NCOA6: variants seen among roughly 807,000 people sequenced by gnomAD.
NCOA6 encodes the protein NRC RAP250.
In NCOA6, 49 loss-of-function variants were observed where a neutral mutation model predicts 171.4. The observed-to-expected ratio is 0.29, with a 90% CI of 0.23 to 0.36. The LOEUF is 0.36. Among genes scored for constraint, NCOA6 ranks in the 10% least tolerant of loss-of-function variants. The pLI is 1.00. For synonymous variants in NCOA6, 910 were observed against 927.5 expected, an observed-to-expected ratio of 0.98 and a Z score of 0.34; for missense variants, 2,248 against 2,554.5, an observed-to-expected ratio of 0.88 and a Z score of 2.59.
At position 34,776,383 on chromosome 20, in the gene NCOA6, G is replaced by T; in HGVS notation, c.301C>A (p.Pro101Thr). Residue 101 changes from proline to threonine, a missense_variant, in exon 4 of 15, where the codon CCC becomes ACC. Around this residue, in one of 7 missense-constraint regions of NCOA6, gnomAD observed 987 missense variants for 1,104.7 expected, o/e 0.89. Transcript: ENST00000359003. Reference protein sequence around the residue: ...WNSVRVTFNIPREAAERLRIL... With the variant: ...WNSVRVTFNITREAAERLRIL... ...CGTAGCCGCTCCGCTGCTTCCCGGG[G>T]GATGTTGAATGTCACACGCACGCTG... 1 of 1,614,128 alleles carries T rather than the reference G, an allele frequency of 6.2e-7. No homozygotes were observed. Among genetic ancestry groups the T allele is most frequent in the Non-Finnish European group, 8.5e-7 (1 of 1,180,036 alleles).
intron 13 of NCOA6, among the ~76,000 whole-genome samples, chr20:34,727,763 G>A (rs181438284): frequency 5.6e-5 from 8 of 143,580 alleles, no homozygotes; most frequent in Non-Finnish European, 1.2e-4. Flanking sequence ...TCACTCTGTC[G>A]CCCAGGCTGG....
intron 2 of NCOA6, among the ~76,000 whole-genome samples, chr20:34,783,318 T>C (rs898074631): frequency 3.4e-4 from 51 of 152,086 alleles, no homozygotes; most frequent in Admixed American, 3.3e-3. Context: ...AGGTAATCTT[T>C]ATGGAGGTAA....
At chr20:34,767,514 T>C (rs1200154439) in intron 5 of NCOA6, among the ~76,000 whole-genome samples, 1 of 152,164 alleles carries the variant, frequency 6.6e-6, no homozygotes, top group African/African-American at 2.4e-5. Context: ...CAGGCTGGTC[T>C]CGAACCCCTG....
chr20:34,724,406 C>G (rs1223312393), intron 14 of NCOA6, among the ~76,000 whole-genome samples: 1 of 152,214 alleles, frequency 6.6e-6, no homozygotes, highest in African/African-American at 2.4e-5. Flanking sequence ...GCAGCTGAGT[C>G]CTCAGATCCG....
At chr20:34,745,737 T>G (rs1359576597) in intron 10 of NCOA6, among the ~76,000 whole-genome samples, 1 of 152,216 alleles carries the variant, frequency 6.6e-6, no homozygotes, top group Non-Finnish European at 1.5e-5. Context: ...TGAAGGGTTG[T>G]GTATCTTCAA....
intron 3 of NCOA6, 126 bp from the exon 4 acceptor site, chr20:34,776,574 A>C: frequency 9.0e-7 from 1 of 1,115,426 alleles, no homozygotes; most frequent in Non-Finnish European, 1.3e-6. Context: ...CTAACAGAGC[A>C]TATGCTTTGG....
intron 4 of NCOA6, among the ~76,000 whole-genome samples, chr20:34,775,671 TCAAA>T (rs1568830269): frequency 2.8e-5 from 1 of 35,932 alleles, no homozygotes; most frequent in African/African-American, 1.4e-4. Flanking sequence ...GGACTCTGTC[TCAAA>T]AAAAAAAAAA....
At chr20:34,724,367 T>C (rs939135116) in intron 14 of NCOA6, among the ~76,000 whole-genome samples, 1 of 152,206 alleles carries the variant, frequency 6.6e-6, no homozygotes, top group African/African-American at 2.4e-5. Context: ...CATCGTGACA[T>C]TCTTGCCTAG....
At chr20:34,811,973 G>A (rs1029414695) in intron 1 of NCOA6, among the ~76,000 whole-genome samples, 3 of 152,088 alleles carry the variant, frequency 2.0e-5, no homozygotes, top group African/African-American at 7.2e-5. Flanking sequence ...ATGGTGGCCG[G>A]GCACGGTGGC....
chr20:34,799,845 AG>A (rs1051893709), intron 1 of NCOA6, among the ~76,000 whole-genome samples: 2 of 152,312 alleles, frequency 1.3e-5, no homozygotes, highest in African/African-American at 2.4e-5. Flanking sequence ...GAAACGCTAA[AG>A]GGAATTCTTC....
chr20:34,766,413 T>A (rs1188973738), intron 5 of NCOA6, among the ~76,000 whole-genome samples: 2 of 151,902 alleles, frequency 1.3e-5, no homozygotes, highest in African/African-American at 2.4e-5. Context: ...GCCCAGGAGT[T>A]CAACCAGCCT....
intron 1 of NCOA6, among the ~76,000 whole-genome samples, chr20:34,803,239 G>A (rs1280585697): frequency 4.6e-5 from 7 of 152,100 alleles, no homozygotes; most frequent in South Asian, 2.1e-4. Flanking sequence ...ATGCCAAGGC[G>A]ACTGCATCAC....
intron 3 of NCOA6, among the ~76,000 whole-genome samples, chr20:34,781,111 A>C (rs761021402): frequency 2.0e-5 from 3 of 152,222 alleles, no homozygotes; most frequent in Non-Finnish European, 4.4e-5. Flanking sequence ...GATGTTGATA[A>C]CTACATGAAA....
At position 34,757,740 on chromosome 20, in the gene NCOA6, G is replaced by T. The variant is rs2076685260; in HGVS notation, c.1008C>A (p.Gly336=). 1 of 1,614,066 alleles carries T rather than the reference G, an allele frequency of 6.2e-7. No homozygotes were observed. ...LQPPPAQGSL[G]TMTANQGWKK... ...TCCACCCTTGGTTTGCAGTCATTGTGCCCAGAGAACCCTGGGCTGGAGGAG... is the reference window on the plus strand; with the variant it reads ...TCCACCCTTGGTTTGCAGTCATTGTTCCCAGAGAACCCTGGGCTGGAGGAG... The change falls in exon 7 of 15, where the codon GGC becomes GGA. Residue 336 remains glycine (G), a synonymous_variant. Transcript: ENST00000359003.
At chr20:34,722,055 A>C (rs1989418977) in intron 14 of NCOA6, among the ~76,000 whole-genome samples, 1 of 6,740 alleles carries the variant, frequency 1.5e-4, no homozygotes, top group East Asian at 2.9e-3. Flanking sequence ...ACCCTGTCTC[A>C]AAAAAAAAAA....
Position 34,762,663 on chromosome 20 carries a change from A to C in NCOA6, c.515-3730T>G, listed in dbSNP as rs1446776065. On this transcript the variant is annotated intron_variant, in intron 5 of 14. Coordinates refer to ENST00000359003, the MANE Select transcript of NCOA6 (RefSeq NM_014071.5). ...AAGTTTAAAGACATATATGATCATC[A>C]TTATTACTAAATAAGTCAATGCTTA... Among the ~76,000 whole-genome samples, 3 of 152,122 alleles carry C rather than the reference A, an allele frequency of 2.0e-5. 1 individual carries two copies. Among genetic ancestry groups the C allele is most frequent in the South Asian group, 4.1e-4 (2 of 4,826 alleles).
rs1288729613 is a variant in NCOA6 at position 34,727,252 on chromosome 20, T to C, written c.6148+7A>G. ...CCCACAAATAGCACCCACATCCCAC[T>C]GCTAACCTTTAGTAGAGCTGGAGGC... On this transcript the variant is annotated splice_region_variant and intron_variant, in intron 14 of 14. Coordinates refer to ENST00000359003, the MANE Select transcript of NCOA6 (RefSeq NM_014071.5). 2.5e-6 allele frequency: 4 copies of C among 1,613,928 alleles called. No homozygotes were observed. The highest frequency in any genetic ancestry group is 1.7e-5 in the Admixed American group (1 of 60,018).
intron 1 of NCOA6, among the ~76,000 whole-genome samples, chr20:34,812,609 C>A (rs1397063380): frequency 6.6e-6 from 1 of 152,034 alleles, no homozygotes; most frequent in African/African-American, 2.4e-5. Context: ...AAGTCAGAGG[C>A]TCAGTGAGAT....
Position 34,750,924 on chromosome 20 carries a change from G to A in NCOA6, c.1676-405C>T, listed in dbSNP as rs561787788. Among the ~76,000 whole-genome samples, 8 of 152,254 alleles carry A rather than the reference G, an allele frequency of 5.3e-5. No homozygotes were observed. In the South Asian group the frequency reaches 8.3e-4, roughly 16 times the overall value. On this transcript the variant is annotated intron_variant, in intron 8 of 14. Coordinates refer to ENST00000359003, the MANE Select transcript of NCOA6 (RefSeq NM_014071.5). ...AGCACTTTGGGAGGCTGAGGCAGGC[G>A]GATTGCTTGAGCCTGGGAGGTGGAG...
Sources: gnomAD v4.1 joint callset for allele counts (sites outside exome capture counted in the v4.1 genomes callset) on GRCh38, gnomAD v4.1.1 for gene constraint, gnomAD v4.1.1 regional missense constraint, MANE v1.5 for transcripts, NCBI Gene and HGNC (gene_info 2026-07-23, HGNC 2026-07-21) for gene names.